The following APPL2 variants were observed in gnomAD, a reference collection of about 807,000 sequenced individuals.
APPL2 encodes adaptor protein, phosphotyrosine interacting with PH domain and leucine zipper 2.
APPL2 carries 84 observed loss-of-function variants against 92.7 expected under a neutral mutation model. The observed-to-expected ratio is 0.91, with a 90% CI of 0.76 to 1.09. The LOEUF is 1.09. APPL2 is among the 50% of genes least tolerant of loss of function. The pLI is 0.00. For synonymous variants in APPL2, 291 were observed against 291.0 expected (o/e 1.00, Z 0.00); for missense variants, 736 against 824.5 (o/e 0.89, Z 1.31).
chr12:105,205,446 T>C (rs1022508348), intron 8 of APPL2, among the ~76,000 whole-genome samples: 6 of 152,176 alleles, frequency 3.9e-5, no homozygotes, highest in African/African-American at 1.4e-4. Context: ...CCACAGCTCC[T>C]CTTCTCCCTC....
At chr12:105,228,024 C>G (rs1890650539) in intron 2 of APPL2, among the ~76,000 whole-genome samples, 1 of 152,180 alleles carries the variant, frequency 6.6e-6, no homozygotes, top group Admixed American at 6.5e-5. Flanking sequence ...ATTGCTTTGT[C>G]TGCCTCCCAA....
intron 1 of APPL2, among the ~76,000 whole-genome samples, chr12:105,232,582 C>G (rs971312827): frequency 2.0e-5 from 3 of 151,968 alleles, no homozygotes; most frequent in Admixed American, 1.3e-4. Context: ...CTGGGCAACA[C>G]AGCAAGACTC....
intron 9 of APPL2, among the ~76,000 whole-genome samples, chr12:105,202,328 G>T (rs1376405030): frequency 1.3e-5 from 2 of 152,154 alleles, no homozygotes; most frequent in African/African-American, 4.8e-5. Context: ...ACTTGGGTTG[G>T]CCTAATAATG....
At chr12:105,208,548 T>C (rs1230928601) in intron 5 of APPL2, among the ~76,000 whole-genome samples, 1 of 152,248 alleles carries the variant, frequency 6.6e-6, no homozygotes, top group East Asian at 1.9e-4. Context: ...TTCTGATGCC[T>C]CAGCCCCCAG....
rs1272852531 is a variant in APPL2 at position 105,195,527 on chromosome 12, C to T, written c.1096-26G>A. 3.1e-6 allele frequency: 5 copies of T among 1,614,184 alleles called. No individual in the cohort carries two copies. The East Asian group carries it at 8.9e-5, about 29-fold the overall frequency. On this transcript the variant is annotated intron_variant, in intron 12 of 20. Transcript: ENST00000258530. ...CTGTAGAGGACATTAAAAAAGAACA[C>T]TGAATCCCAAAGTCACCCACCACGT... is the stretch of plus-strand genomic sequence containing the variant.
At chr12:105,202,251 T>C (rs1398905154) in intron 9 of APPL2, among the ~76,000 whole-genome samples, 1 of 152,118 alleles carries the variant, frequency 6.6e-6, no homozygotes, top group African/African-American at 2.4e-5. Flanking sequence ...GAGAAGGCCA[T>C]GTAGCCCGGG....
At chr12:105,211,091 A>G in intron 5 of APPL2, 139 bp downstream of exon 5, 1 of 636,480 alleles carries the variant, frequency 1.6e-6, no homozygotes, top group Non-Finnish European at 2.8e-6. Context: ...GAAGTCAGTA[A>G]AAGTTCACTG....
chr12:105,195,629 T>C lies in APPL2; in HGVS notation c.1053-2A>G, dbSNP rs1887574536. The C allele has an allele frequency of 6.2e-7, 1 of 1,614,036 alleles. No homozygotes were observed. The highest frequency in any genetic ancestry group is 8.5e-7 in the Non-Finnish European group (1 of 1,180,038). ...CTCTCAGCCTGGAGGATTATTCCCC[T>C]GAAACAAAAGTGTCTAAGTAATTAA... is the stretch of plus-strand genomic sequence containing the variant. On this transcript the variant is annotated splice_acceptor_variant, in intron 11 of 20. Transcript: ENST00000258530. LOFTEE classifies it high-confidence loss of function.
chr12:105,228,217 T>C (rs1394986853), intron 2 of APPL2, among the ~76,000 whole-genome samples: 1 of 152,240 alleles, frequency 6.6e-6, no homozygotes, highest in African/African-American at 2.4e-5. Flanking sequence ...TCTGAAATGC[T>C]TGGGACCAGA....
chr12:105,203,645 T>C, intron 9 of APPL2, 58 bp downstream of exon 9: 1 of 1,513,088 alleles, frequency 6.6e-7, no homozygotes, highest in Non-Finnish European at 9.2e-7. Context: ...CTCCCAGAGA[T>C]GTCAGATCAG....
chr12:105,185,655 T>C (rs1886537572), intron 17 of APPL2, among the ~76,000 whole-genome samples: 1 of 152,044 alleles, frequency 6.6e-6, no homozygotes, highest in African/African-American at 2.4e-5. Context: ...TCTGTGTTGG[T>C]CTCACTGGGA....
At chr12:105,229,047 C>T in intron 2 of APPL2, 78 bp downstream of exon 2, 1 of 1,256,068 alleles carries the variant, frequency 8.0e-7, no homozygotes, top group East Asian at 2.4e-5. Flanking sequence ...ATTCCAATTT[C>T]TCAACCTCTG....
Position 105,174,305 on chromosome 12 carries a change from G to C in APPL2, c.*9C>G, listed in dbSNP as rs1278934000. On this transcript the variant is annotated 3_prime_UTR_variant, in exon 21 of 21. Transcript: ENST00000258530. ...TCCTGTTTGCTCTTCCCCCACAGGC[G>C]CAAGTGAGTTATGCTTCGGATTCTG... 2 of 1,612,840 alleles carry C rather than the reference G, an allele frequency of 1.2e-6. No individual in the cohort carries two copies. The highest frequency in any genetic ancestry group is 1.3e-5 in the African/African-American group (1 of 74,860).
chr12:105,182,405 A>G (rs1886197962), intron 17 of APPL2, among the ~76,000 whole-genome samples: 1 of 152,186 alleles, frequency 6.6e-6, no homozygotes, highest in Non-Finnish European at 1.5e-5. Flanking sequence ...ATTTAGTGCT[A>G]TAAAAACATT....
At chr12:105,227,018 G>A (rs922953455) in intron 2 of APPL2, among the ~76,000 whole-genome samples, 5 of 151,950 alleles carry the variant, frequency 3.3e-5, no homozygotes, top group African/African-American at 1.2e-4. Flanking sequence ...CTACTTAGGA[G>A]GCTGAGGCAG....
At chr12:105,231,882 T>C (rs1890946806) in intron 1 of APPL2, among the ~76,000 whole-genome samples, 1 of 152,218 alleles carries the variant, frequency 6.6e-6, no homozygotes, top group South Asian at 2.1e-4. Context: ...CCTCATTTAC[T>C]ATACTGTGTC....
intron 4 of APPL2, among the ~76,000 whole-genome samples, 161 bp from the exon 5 acceptor site, chr12:105,211,478 T>C (rs751334739): frequency 6.6e-5 from 10 of 152,230 alleles, no homozygotes; most frequent in African/African-American, 9.6e-5. Flanking sequence ...TAAATGATAT[T>C]GGCCTAGAAG....
intron 2 of APPL2, among the ~76,000 whole-genome samples, chr12:105,223,373 G>A (rs1159897000): frequency 1.3e-5 from 2 of 152,192 alleles, no homozygotes; most frequent in African/African-American, 2.4e-5. Flanking sequence ...TGCCCAGGGA[G>A]TGAACACAGA....
chr12:105,198,090 C>CA, intron 10 of APPL2, 137 bp from the exon 11 acceptor site: 1 of 799,716 alleles, frequency 1.3e-6, no homozygotes, highest in East Asian at 2.7e-5. Flanking sequence ...CAAAACTGCC[C>CA]ATTCAAGTGG....
Sources: gnomAD v4.1 joint callset for allele counts (sites outside exome capture counted in the v4.1 genomes callset) on GRCh38, gnomAD v4.1.1 for gene constraint, MANE v1.5 for transcripts, NCBI Gene and HGNC (gene_info 2026-07-23, HGNC 2026-07-21) for gene names.